Variants in NEGR1 observed in about 807,000 individuals in gnomAD.
NEGR1 encodes IgLON family member 4.
Under a neutral mutation model 40.9 loss-of-function variants are expected in NEGR1, and 10 were observed. The ratio of observed to expected loss-of-function variants is 0.24; its 90% CI spans 0.15 to 0.42. The LOEUF (loss-of-function observed/expected upper bound fraction) is 0.42. Ranked by LOEUF, NEGR1 falls within the 10% of genes least tolerant of loss-of-function variation. The probability of loss-of-function intolerance (pLI) is 1.00; values close to 1 mark genes in which losing one functional copy is unlikely to be tolerated. For missense variants in NEGR1, 352 were observed against 438.9 expected (o/e 0.80, Z 1.77); for synonymous variants, 185 against 166.8 (o/e 1.11, Z -0.84).
At chr1:71,755,420 C>A (rs1655700318) in intron 3 of NEGR1, among the ~76,000 whole-genome samples, 1 of 152,160 alleles carries the variant, frequency 6.6e-6, no homozygotes, top group Admixed American at 6.6e-5. Context: ...TAAATCACAT[C>A]ATTTACGTGC....
At chr1:72,218,827 G>T (rs1449461385) in intron 1 of NEGR1, among the ~76,000 whole-genome samples, 1 of 152,056 alleles carries the variant, frequency 6.6e-6, no homozygotes, top group Non-Finnish European at 1.5e-5. Context: ...AGCCCTATTT[G>T]TTGCAGTCTT....
At chr1:71,843,849 T>A (rs1659320221) in intron 2 of NEGR1, among the ~76,000 whole-genome samples, 1 of 152,208 alleles carries the variant, frequency 6.6e-6, no homozygotes, top group South Asian at 2.1e-4. Context: ...GCTCCATTAA[T>A]TCAATATTCT....
At chr1:71,941,061 C>A (rs149137442) in intron 1 of NEGR1, among the ~76,000 whole-genome samples, 1 of 152,276 alleles carries the variant, frequency 6.6e-6, no homozygotes, top group Non-Finnish European at 1.5e-5. Flanking sequence ...TTCTCTTGGA[C>A]TCAAAGCTAA....
At chr1:71,634,887 C>A (rs1364300727) in intron 4 of NEGR1, among the ~76,000 whole-genome samples, 1 of 152,012 alleles carries the variant, frequency 6.6e-6, no homozygotes, top group Non-Finnish European at 1.5e-5. Context: ...GGTTGAGAAG[C>A]AATTCAATAA....
At chr1:71,872,074 T>A (rs942952650) in intron 2 of NEGR1, among the ~76,000 whole-genome samples, 1 of 152,192 alleles carries the variant, frequency 6.6e-6, no homozygotes, top group African/African-American at 2.4e-5. Context: ...AAATAAATGA[T>A]GACAACATAG....
At chr1:72,119,632 G>C (rs190628575) in intron 1 of NEGR1, among the ~76,000 whole-genome samples, 8 of 151,972 alleles carry the variant, frequency 5.3e-5, no homozygotes, top group Non-Finnish European at 8.8e-5. Context: ...CTCAAATGGG[G>C]ATGATTTAAT....
chr1:71,624,199 G>A (rs1443661544), intron 4 of NEGR1, among the ~76,000 whole-genome samples: 2 of 151,906 alleles, frequency 1.3e-5, no homozygotes, highest in East Asian at 1.9e-4. Context: ...ACATTTCTAA[G>A]TCTTGAGAGA....
At chr1:72,003,530 T>C (rs1356022422) in intron 1 of NEGR1, among the ~76,000 whole-genome samples, 1 of 152,068 alleles carries the variant, frequency 6.6e-6, no homozygotes, top group East Asian at 1.9e-4. Flanking sequence ...TGGATACTTT[T>C]AGGTAGAAAG....
chr1:72,038,995 A>G (rs954589697), intron 1 of NEGR1, among the ~76,000 whole-genome samples: 13 of 152,118 alleles, frequency 8.5e-5, no homozygotes, highest in African/African-American at 3.1e-4. Context: ...ATTTCGCAGA[A>G]GGAAAGAATG....
intron 6 of NEGR1, among the ~76,000 whole-genome samples, chr1:71,515,808 G>T (rs1414607518): frequency 8.2e-6 from 1 of 122,388 alleles, no homozygotes; most frequent in African/African-American, 3.7e-5. Context: ...AGACCCATCA[G>T]TGTGCTGTAT....
chr1:72,031,450 C>T (rs1289532520), intron 1 of NEGR1, among the ~76,000 whole-genome samples: 1 of 152,070 alleles, frequency 6.6e-6, no homozygotes, highest in Non-Finnish European at 1.5e-5. Flanking sequence ...AAGCACATTT[C>T]CTATCTTAAA....
chr1:72,062,276 A>C (rs1325297148), intron 1 of NEGR1, among the ~76,000 whole-genome samples: 1 of 151,832 alleles, frequency 6.6e-6, no homozygotes, highest in African/African-American at 2.4e-5. Flanking sequence ...GCTTCCTTCC[A>C]ATATCACCCA....
At chr1:72,041,888 AATAT>A (rs10659635) in intron 1 of NEGR1, among the ~76,000 whole-genome samples, 187 of 143,130 alleles carry the variant, frequency 1.3e-3, no homozygotes, top group Admixed American at 4.8e-3. Flanking sequence ...TTTACATATA[AATAT>A]ATATTTGAGT....
At chr1:71,527,055 A>G (rs910799399) in intron 6 of NEGR1, among the ~76,000 whole-genome samples, 9 of 151,710 alleles carry the variant, frequency 5.9e-5, no homozygotes, top group Middle Eastern at 3.4e-3. Flanking sequence ...GCCTTTTATG[A>G]TATTTTTAAA....
chr1:71,975,658 T>C lies in NEGR1; in HGVS notation c.177-40347A>G, dbSNP rs555972615. ...AAAACATAATCTGTAGAGTAAAAAA[T>C]ATGCCTGACTCTGCATCCCATACCC... is the stretch of plus-strand genomic sequence containing the variant. On this transcript the variant is annotated intron_variant, in intron 1 of 6. Transcript: ENST00000357731. Among the ~76,000 whole-genome samples, 70 of 152,264 alleles carry C rather than the reference T, an allele frequency of 4.6e-4. 2 individuals are homozygous for C. In the South Asian group the frequency reaches 0.013, roughly 29 times the overall value.
intron 5 of NEGR1, among the ~76,000 whole-genome samples, chr1:71,605,819 A>G (rs1650057354): frequency 6.6e-6 from 1 of 152,252 alleles, no homozygotes; most frequent in South Asian, 2.1e-4. Context: ...AGAAACTATC[A>G]TGTTAAAAAA....
intron 1 of NEGR1, among the ~76,000 whole-genome samples, chr1:72,263,613 A>G (rs188874997): frequency 1.3e-5 from 2 of 151,744 alleles, no homozygotes; most frequent in Admixed American, 1.3e-4. Context: ...GCTTCTTAAA[A>G]GTTGTGATGA....
chr1:71,927,732 C>A (rs1648265), intron 2 of NEGR1, among the ~76,000 whole-genome samples: 3 of 145,308 alleles, frequency 2.1e-5, no homozygotes, highest in Non-Finnish European at 3.0e-5. Context: ...GTAATCCCAG[C>A]ACTTTGGGAG....
At chr1:72,011,003 A>T (rs1646652507) in intron 1 of NEGR1, among the ~76,000 whole-genome samples, 1 of 152,190 alleles carries the variant, frequency 6.6e-6, no homozygotes, top group African/African-American at 2.4e-5. Context: ...GTGATGCCAT[A>T]AGAATAACTG....
Sources: gnomAD v4.1 joint callset for allele counts (sites outside exome capture counted in the v4.1 genomes callset) on GRCh38, gnomAD v4.1.1 for gene constraint, MANE v1.5 for transcripts, NCBI Gene and HGNC (gene_info 2026-07-23, HGNC 2026-07-21) for gene names.